Variants in CAND2 observed in about 807,000 individuals in gnomAD.
The protein encoded by CAND2 is cullin associated and neddylation dissociated 2 (putative), also known as cullin-associated NEDD8-dissociated protein 2.
In CAND2, 62 loss-of-function variants were observed where a neutral mutation model predicts 98.9. The observed-to-expected ratio is 0.63, with a 90% CI of 0.51 to 0.77. The LOEUF is 0.77. Ranked by LOEUF, CAND2 falls within the 30% of genes least tolerant of loss-of-function variation. The probability of loss-of-function intolerance (pLI) is 0.00; values close to 1 mark genes in which losing one functional copy is unlikely to be tolerated. For synonymous variants in CAND2, 770 were observed against 731.9 expected (o/e 1.05, Z -0.84); for missense variants, 1,501 against 1,655.2 (o/e 0.91, Z 1.62).
At chr3:12,826,671 C>CA (rs1325723846) in intron 12 of CAND2, among the ~76,000 whole-genome samples, 5 of 152,072 alleles carry the variant, frequency 3.3e-5, no homozygotes, top group Admixed American at 6.6e-5. Flanking sequence ...CTCGGCCTCT[C>CA]AAAGTGCTGG....
intron 5 of CAND2, 121 bp downstream of exon 5, chr3:12,810,445 C>T (rs1559550401): frequency 1.3e-6 from 1 of 754,946 alleles, no homozygotes; most frequent in Non-Finnish European, 1.7e-6. Flanking sequence ...GGTGGGCCGT[C>T]TGCCTTGGTA....
chr3:12,810,389 T>C (rs2061842712), intron 5 of CAND2, 65 bp downstream of exon 5: 2 of 1,337,376 alleles, frequency 1.5e-6, no homozygotes, highest in Non-Finnish European at 1.9e-6. Context: ...AGCCAATGAC[T>C]CGGTAAAGGG....
intron 13 of CAND2, among the ~76,000 whole-genome samples, chr3:12,829,330 A>G (rs973190835): frequency 6.6e-6 from 1 of 152,136 alleles, no homozygotes; most frequent in African/African-American, 2.4e-5. Flanking sequence ...ATGTTTTAGT[A>G]GAGACAGGGT....
chr3:12,799,537 T>G (rs2061751489), intron 1 of CAND2, among the ~76,000 whole-genome samples: 2 of 152,172 alleles, frequency 1.3e-5, no homozygotes, highest in South Asian at 4.1e-4. Flanking sequence ...GAGGCATACT[T>G]CAGAAGAGTT....
chr3:12,834,791 A>C lies in CAND2; in HGVS notation c.*809A>C, dbSNP rs1373154660. On this transcript the variant is annotated 3_prime_UTR_variant, in exon 15 of 15. Transcript: ENST00000456430. The stretch of plus-strand genomic sequence containing the variant: ...GTGATATCCCAGGTTAATAAAGATT[A>C]GATTCTAAGTTACTTCTTTCCTCTG... 6.6e-6 allele frequency: 1 copy of C among 152,172 alleles called. No homozygotes were observed. The highest frequency in any genetic ancestry group is 1.9e-4 in the East Asian group (1 of 5,194). The allele number at this position is 152,172 out of a possible 1,614,324, so 9.4% of individuals were successfully genotyped here.
chr3:12,810,857 G>A (rs78918296), intron 5 of CAND2, among the ~76,000 whole-genome samples: 25 of 152,282 alleles, frequency 1.6e-4, no homozygotes, highest in South Asian at 4.1e-4. Flanking sequence ...GTGTATATCC[G>A]TGAAACCTTT....
Position 12,834,144 on chromosome 3 carries a change from C to G in CAND2, c.*162C>G, listed in dbSNP as rs541076732. On this transcript the variant is annotated 3_prime_UTR_variant, in exon 15 of 15. Coordinates refer to ENST00000456430, the MANE Select transcript of CAND2 (RefSeq NM_001162499.2). ...GGCTTACAGTGCCTTCTCCAGGGAC[C>G]CAACTCAAAGGCCCCCAGCCCAAGC... is the stretch of plus-strand genomic sequence containing the variant. 2 of 629,250 alleles carry G rather than the reference C, an allele frequency of 3.2e-6. No individual in the cohort carries two copies. Among genetic ancestry groups the G allele is most frequent in the South Asian group, 3.9e-5 (2 of 50,944 alleles). 39.0% of individuals were successfully genotyped at this position (629,250 alleles called of 1,614,324 possible).
chr3:12,822,169 A>G (rs775845213), intron 11 of CAND2, among the ~76,000 whole-genome samples: 4 of 151,862 alleles, frequency 2.6e-5, no homozygotes, highest in Non-Finnish European at 4.4e-5. Context: ...TTATTCATCA[A>G]TTTATTTGTC....
Position 12,816,398 on chromosome 3 carries a change from G to A in CAND2, c.1466G>A (p.Arg489His), listed in dbSNP as rs1375841662. Residue 489 changes from arginine to histidine, a missense_variant, in exon 10 of 15, where the codon CGC (arginine) becomes CAC (histidine). Arg to His is a conservative substitution (Grantham distance 29, BLOSUM62 0). This residue lies in a region of CAND2 where 1,427 missense variants were observed against 1,545.3 expected (regional missense o/e 0.92). Transcript: ENST00000456430. ...GGCATCATCTTCTCGCTGGCCGACCGCTCCAGCTCCTCCACCATCCGGATG... is the reference window on the plus strand; with the variant it reads ...GGCATCATCTTCTCGCTGGCCGACCACTCCAGCTCCTCCACCATCCGGATG... ...VSGIIFSLAD[R>H]SSSSTIRMDA... The A allele has an allele frequency of 1.4e-5, 23 of 1,612,418 alleles. No homozygotes were observed. The East Asian group carries it at 2.2e-4, about 16-fold the overall frequency.
intron 10 of CAND2, among the ~76,000 whole-genome samples, 161 bp from the exon 11 acceptor site, chr3:12,819,925 G>C (rs1484033545): frequency 6.6e-6 from 1 of 152,150 alleles, no homozygotes; most frequent in Non-Finnish European, 1.5e-5. Context: ...GGAGATTCAA[G>C]GCTGCCAAGG....
intron 5 of CAND2, among the ~76,000 whole-genome samples, chr3:12,810,790 T>C (rs2061846311): frequency 1.3e-5 from 2 of 152,258 alleles, no homozygotes; most frequent in African/African-American, 2.4e-5. Flanking sequence ...AACAATTTAA[T>C]GTGCATACAA....
intron 12 of CAND2, among the ~76,000 whole-genome samples, chr3:12,826,105 C>A (rs2061997040): frequency 1.3e-5 from 2 of 152,182 alleles, no homozygotes; most frequent in African/African-American, 2.4e-5. Flanking sequence ...CCCCGCCTTA[C>A]AATGGTTCAA....
intron 12 of CAND2, among the ~76,000 whole-genome samples, chr3:12,826,231 G>A (rs533218897): frequency 5.3e-5 from 8 of 152,180 alleles, no homozygotes; most frequent in Non-Finnish European, 1.2e-4. Flanking sequence ...CATACACCAA[G>A]GAGCAGCTGC....
chr3:12,829,790 C>T (rs1342741550), intron 13 of CAND2, among the ~76,000 whole-genome samples: 1 of 152,224 alleles, frequency 6.6e-6, no homozygotes, highest in East Asian at 1.9e-4. Flanking sequence ...TGGGATCACA[C>T]ACATGCTGTT....
chr3:12,833,884 T>C lies in CAND2; in HGVS notation c.3613T>C (p.Ser1205Pro), dbSNP rs201424144. Reference sequence around the variant, plus strand: ...AAGCCCCATCATGGCCGACTTCTCTTCCCAAATCAGATCCAACCCTGAACT... The same window carrying C: ...AAGCCCCATCATGGCCGACTTCTCTCCCCAAATCAGATCCAACCCTGAACT... ...GKSPIMADFS[S>P]QIRSNPELAA... Residue 1205 changes from serine (S) to proline (P), a missense_variant, in exon 15 of 15, where the codon TCC becomes CCC. Ser to Pro is a moderately conservative substitution (Grantham distance 74). Around this residue, in one of 3 missense-constraint regions of CAND2, gnomAD observed 1,427 missense variants for 1,545.3 expected, o/e 0.92. Coordinates refer to ENST00000456430, the MANE Select transcript of CAND2 (RefSeq NM_001162499.2). 2.4e-5 allele frequency: 39 copies of C among 1,614,094 alleles called. No homozygotes were observed. The highest frequency in any genetic ancestry group is 3.2e-5 in the Non-Finnish European group (38 of 1,180,054).
intron 1 of CAND2, 119 bp downstream of exon 1, chr3:12,796,907 C>T: frequency 3.7e-6 from 3 of 820,390 alleles, no homozygotes; most frequent in Non-Finnish European, 6.2e-6. Context: ...CTTCTCTCTT[C>T]TCCCTGCATT....
At chr3:12,826,964 G>A (rs2062007355) in intron 12 of CAND2, among the ~76,000 whole-genome samples, 1 of 151,866 alleles carries the variant, frequency 6.6e-6, no homozygotes, top group South Asian at 2.1e-4. Flanking sequence ...CCAAGTAGCT[G>A]GGACTACAGG....
At chr3:12,829,974 G>C (rs1235233932) in intron 13 of CAND2, among the ~76,000 whole-genome samples, 1 of 152,156 alleles carries the variant, frequency 6.6e-6, no homozygotes, top group Non-Finnish European at 1.5e-5. Context: ...GAACACCCTG[G>C]TGCATTACTG....
At chr3:12,799,847 G>C (rs2061753656) in intron 1 of CAND2, among the ~76,000 whole-genome samples, 1 of 152,212 alleles carries the variant, frequency 6.6e-6, no homozygotes, top group African/African-American at 2.4e-5. Flanking sequence ...TGTGGATGCA[G>C]GGGTAGGGCA....
Sources: allele counts gnomAD v4.1 joint callset (sites outside exome capture counted in the v4.1 genomes callset), GRCh38; gene constraint gnomAD v4.1.1; regional missense constraint gnomAD v4.1.1; transcripts MANE v1.5; gene names NCBI Gene and HGNC (gene_info 2026-07-23, HGNC 2026-07-21).